Variants in KEAP1 observed in about 807,000 individuals in gnomAD.
The protein encoded by KEAP1 is kelch-like ECH-associated protein 1.
Under a neutral mutation model 59.7 loss-of-function variants are expected in KEAP1, and 26 were observed. The ratio of observed to expected loss-of-function variants is 0.44; its 90% CI spans 0.32 to 0.60. The LOEUF is 0.60. Ranked by LOEUF, KEAP1 falls within the 20% of genes least tolerant of loss-of-function variation. The pLI is 0.06. For synonymous variants in KEAP1, 350 were observed against 358.3 expected (o/e 0.98, Z 0.26); for missense variants, 539 against 871.4 (o/e 0.62, Z 4.80).
chr19:10,495,085 CTGAG>C (rs898355574), intron 2 of KEAP1, among the ~76,000 whole-genome samples: 1 of 151,946 alleles, frequency 6.6e-6, no homozygotes, highest in African/African-American at 2.4e-5. Context: ...CCTCAGCCTC[CTGAG>C]TAGCTGGGAC....
rs1358705202 is a variant in KEAP1 at position 10,502,939 on chromosome 19, T to C, written c.-48+302A>G. On this transcript the variant is annotated intron_variant, in intron 1 of 5. Transcript: ENST00000171111. The surrounding 1 kb of genome is among the most constrained non-coding windows in gnomAD (Gnocchi z 4.0). ...TGCGCGGCCACCACGGCGCCCAGCA[T>C]GGCGGCGGGGCGGGGGCACGCGACC... 1 of 152,092 alleles carries C rather than the reference T, an allele frequency of 6.6e-6. No homozygotes were observed. The highest frequency in any genetic ancestry group is 1.5e-5 in the Non-Finnish European group (1 of 67,990). The allele number at this position is 152,092 out of a possible 1,614,324, so 9.4% of individuals were successfully genotyped here. A position where few individuals can be genotyped will look rare whatever the true frequency, so the allele number is the denominator to read the frequency against.
intron 1 of KEAP1, among the ~76,000 whole-genome samples, chr19:10,500,800 C>T (rs889406909): frequency 7.9e-5 from 12 of 151,742 alleles, no homozygotes; most frequent in Non-Finnish European, 1.5e-5. Context: ...CTGCCTCAGC[C>T]TCCCGAGTAG....
chr19:10,499,850 G>T lies in KEAP1; in HGVS notation c.184C>A (p.Gln62Lys), dbSNP rs989656106. Residue 62 changes from glutamine (Q) to lysine (K), a missense_variant, in exon 2 of 6, where the codon CAG becomes AAG. Gln to Lys is a moderately conservative substitution (Grantham distance 53). Transcript: ENST00000171111. The surrounding 1 kb of genome is among the most constrained non-coding windows in gnomAD (Gnocchi z 6.7). ...FSYTLEDHTK[Q>K]AFGIMNELRL... ...AGCTCGTTCATGATGCCAAAGGCCTGCTTGGTATGATCCTCCAGGGTGTAG... is the reference window on the plus strand; with the variant it reads ...AGCTCGTTCATGATGCCAAAGGCCTTCTTGGTATGATCCTCCAGGGTGTAG... 1.7e-5 allele frequency: 28 copies of T among 1,613,750 alleles called. No homozygotes were observed. Among genetic ancestry groups the T allele is most frequent in the Non-Finnish European group, 2.4e-5 (28 of 1,180,014 alleles).
At chr19:10,489,126 G>GAAAA in intron 5 of KEAP1, 66 bp downstream of exon 5, 1 of 615,562 alleles carries the variant, frequency 1.6e-6, no homozygotes. Flanking sequence ...AAAAAGGAAA[G>GAAAA]CAAAAGCAAA....
rs1190274358 is a variant in KEAP1 at position 10,492,274 on chromosome 19, G to A, written c.640-12C>T. 6.3e-7 allele frequency: 1 copy of A among 1,586,838 alleles called. No homozygotes were observed. Among genetic ancestry groups the A allele is most frequent in the Non-Finnish European group, 8.6e-7 (1 of 1,167,524 alleles). On this transcript the variant is annotated splice_polypyrimidine_tract_variant and intron_variant, in intron 2 of 5. Transcript: ENST00000171111. Reference sequence around the variant, plus strand: ...TCTTGCTTGGCCACCTGCAGAGGGCGACAGTGGGACGGGCTGACTCTCCAG... The same window carrying A: ...TCTTGCTTGGCCACCTGCAGAGGGCAACAGTGGGACGGGCTGACTCTCCAG...
chr19:10,492,393 A>G, intron 2 of KEAP1, 131 bp from the exon 3 acceptor site: 1 of 691,156 alleles, frequency 1.4e-6, no homozygotes, highest in Non-Finnish European at 2.5e-6. Flanking sequence ...GGGGATTCAA[A>G]TAATAGGAAC....
In KEAP1 at chr19:10,491,599, T is replaced by G. The variant is rs2144596301; in HGVS notation, c.1303A>C (p.Ile435Leu). 6.4e-7 allele frequency: 1 copy of G among 1,573,208 alleles called. No individual in the cohort carries two copies. Among genetic ancestry groups the G allele is most frequent in the African/African-American group, 1.4e-5 (1 of 73,886 alleles). The change falls in exon 3 of 6, where the codon ATC becomes CTC. Residue 435 changes from isoleucine (I) to leucine (L), a missense_variant. Ile to Leu is a conservative substitution (Grantham distance 5, BLOSUM62 2). Transcript: ENST00000171111. The surrounding 1 kb of genome is among the most constrained non-coding windows in gnomAD (Gnocchi z 5.2). ...IYAVGGSHGC[I>L]HHNSVERYEP... ...CACCTCTCCACACTGTTGTGGTGGATGCAGCCGTGGGAGCCGCCGACGGCA... is the reference window on the plus strand; with the variant it reads ...CACCTCTCCACACTGTTGTGGTGGAGGCAGCCGTGGGAGCCGCCGACGGCA...
chr19:10,492,375 T>C (rs1914705323), intron 2 of KEAP1, 113 bp from the exon 3 acceptor site: 4 of 742,488 alleles, frequency 5.4e-6, no homozygotes, highest in Non-Finnish European at 8.9e-6. Context: ...CTTCCTTATC[T>C]GCTAAATGGG....
At chr19:10,489,451 C>A in intron 4 of KEAP1, 83 bp from the exon 5 acceptor site, 1 of 1,380,298 alleles carries the variant, frequency 7.2e-7, no homozygotes, top group Admixed American at 2.1e-5. Flanking sequence ...GGAGACCTTT[C>A]CTCTCTCCTC....
rs1029070607 is a variant in KEAP1, at chr19:10,491,654, G to A, written c.1248C>T (p.Ile416=). ...TGTGGCCATCGATGACCCCCACCCCGATGCGGTTACGGGGCACGCTCATGG... is the reference window on the plus strand; with the variant it reads ...TGTGGCCATCGATGACCCCCACCCCAATGCGGTTACGGGGCACGCTCATGG... ...CAPMSVPRNR[I]GVGVIDGHIY... The change falls in exon 3 of 6, where the codon ATC becomes ATT. Residue 416 remains isoleucine (I), a synonymous_variant. Transcript: ENST00000171111. The surrounding 1 kb of genome is among the most constrained non-coding windows in gnomAD (Gnocchi z 5.2). 6.3e-6 allele frequency: 10 copies of A among 1,591,284 alleles called. No individual in the cohort carries two copies. The African/African-American group carries it at 1.1e-4, about 17-fold the overall frequency.
At chr19:10,489,419 C>A (rs543971750) in intron 4 of KEAP1, 51 bp from the exon 5 acceptor site, 4 of 1,559,044 alleles carry the variant, frequency 2.6e-6, no homozygotes, top group African/African-American at 2.7e-5. Flanking sequence ...GCTTTGGGAA[C>A]CCCAGCCATC....
chr19:10,498,261 G>A (rs1179896056), intron 2 of KEAP1, among the ~76,000 whole-genome samples: 5 of 146,286 alleles, frequency 3.4e-5, no homozygotes, highest in African/African-American at 1.3e-4. Context: ...GTGCAATGGT[G>A]CGATCTCGGC....
At chr19:10,488,736 T>C (rs1459703243) in intron 5 of KEAP1, among the ~76,000 whole-genome samples, 4 of 151,668 alleles carry the variant, frequency 2.6e-5, no homozygotes, top group Non-Finnish European at 4.4e-5. Context: ...TTCGAGACCA[T>C]CCTGGCCAAC....
rs974780265 is a variant in KEAP1 at position 10,491,466 on chromosome 19, C to T, written c.1325+111G>A. On this transcript the variant is annotated intron_variant, in intron 3 of 5. Transcript: ENST00000171111. The surrounding 1 kb of genome is among the most constrained non-coding windows in gnomAD (Gnocchi z 5.2). ...TTAGCTTCATCCTGAGGCCTCCACT[C>T]CCTGAAGACAGGAAGAGGAAACAGC... 2 of 925,838 alleles carry T rather than the reference C, an allele frequency of 2.2e-6. No homozygotes were observed. The highest frequency in any genetic ancestry group is 3.4e-5 in the African/African-American group (2 of 59,550). 57.4% of individuals were successfully genotyped at this position (925,838 alleles called of 1,614,324 possible).
rs1914678733 is a variant in KEAP1, at chr19:10,491,738, G to A, written c.1164C>T (p.Thr388=). 6.4e-7 allele frequency: 1 copy of A among 1,567,492 alleles called. No individual in the cohort carries two copies. Among genetic ancestry groups the A allele is most frequent in the Non-Finnish European group, 8.7e-7 (1 of 1,155,996 alleles). ...GGRNNSPDGN[T]DSSALDCYNP... is the part of the protein sequence containing the mutation. The stretch of plus-strand genomic sequence containing the variant: ...TGTAACAGTCCAGGGCGCTGGAGTC[G>A]GTGTTGCCGTCGGGCGAGTTGTTCC... The change falls in exon 3 of 6, where the codon ACC becomes ACT. Residue 388 remains threonine, a synonymous_variant. Coordinates refer to ENST00000171111, the MANE Select transcript of KEAP1 (RefSeq NM_203500.2). The surrounding 1 kb of genome is among the most constrained non-coding windows in gnomAD (Gnocchi z 5.2).
In KEAP1 at chr19:10,486,842, G is replaced by A. The variant is rs370349325; in HGVS notation, c.1709-24C>T. On this transcript the variant is annotated intron_variant, in intron 5 of 5. Transcript: ENST00000171111. ...TCCTGCGGGAAGAACAGAAGGGATG[G>A]TCACCACCTGTCACACCACATCCAA... The A allele has an allele frequency of 2.0e-4, 327 of 1,597,862 alleles. 3 individuals carry two copies. The South Asian group carries it at 3.1e-3, about 15-fold the overall frequency.
chr19:10,488,539 G>A (rs1438343480), intron 5 of KEAP1, among the ~76,000 whole-genome samples: 1 of 151,542 alleles, frequency 6.6e-6, no homozygotes, highest in African/African-American at 2.4e-5. Flanking sequence ...TTGAAACCAG[G>A]AGGCGGAGGT....
intron 2 of KEAP1, among the ~76,000 whole-genome samples, chr19:10,498,034 G>A (rs1255589031): frequency 6.6e-6 from 1 of 151,616 alleles, no homozygotes; most frequent in East Asian, 1.9e-4. Flanking sequence ...CTGAGTAGCT[G>A]GGATTACAAG....
chr19:10,491,491 C>T lies in KEAP1; in HGVS notation c.1325+86G>A. Reference sequence around the variant, plus strand: ...CCCTGAAGACAGGAAGAGGAAACAGCCTCAGGAAGAATACCCGGATCTCAG... The same window carrying T: ...CCCTGAAGACAGGAAGAGGAAACAGTCTCAGGAAGAATACCCGGATCTCAG... On this transcript the variant is annotated intron_variant, in intron 3 of 5. Coordinates refer to ENST00000171111, the MANE Select transcript of KEAP1 (RefSeq NM_203500.2). The surrounding 1 kb of genome is among the most constrained non-coding windows in gnomAD (Gnocchi z 5.2). 1 of 1,203,086 alleles carries T rather than the reference C, an allele frequency of 8.3e-7. No homozygotes were observed. Among genetic ancestry groups the T allele is most frequent in the Non-Finnish European group, 1.1e-6 (1 of 891,720 alleles). 74.5% of individuals were successfully genotyped at this position (1,203,086 alleles called of 1,614,324 possible). A position where few individuals can be genotyped will look rare whatever the true frequency, so the allele number is the denominator to read the frequency against.
Sources: allele counts gnomAD v4.1 joint callset (sites outside exome capture counted in the v4.1 genomes callset), GRCh38; gene constraint gnomAD v4.1.1; non-coding constraint Gnocchi (gnomAD v3.1); transcripts MANE v1.5; gene names NCBI Gene and HGNC (gene_info 2026-07-23, HGNC 2026-07-21).